The following MKLN1 variants were observed in gnomAD, a reference collection of about 807,000 sequenced individuals.
MKLN1 encodes muskelin.
A neutral mutation model predicts 99.0 loss-of-function variants in MKLN1; 18 were observed. That is an observed-to-expected ratio of 0.18 (90% CI 0.13 to 0.27). MKLN1 has a LOEUF of 0.27. Among genes scored for constraint, MKLN1 ranks in the 10% least tolerant of loss-of-function variants. MKLN1 has a pLI of 1.00. For missense variants in MKLN1, 621 were observed against 875.9 expected (o/e 0.71, Z 3.67); for synonymous variants, 288 against 293.2 (o/e 0.98, Z 0.18).
chr7:131,419,541 C>T (rs1795130454), intron 8 of MKLN1, among the ~76,000 whole-genome samples: 1 of 152,032 alleles, frequency 6.6e-6, no homozygotes, highest in Non-Finnish European at 1.5e-5. Flanking sequence ...CGTGCCTGGC[C>T]TCATTACAGA....
rs1395558840 is a variant in MKLN1 at position 131,290,200 on chromosome 7, G to T, written c.-178-85224G>T. 3.3e-5 allele frequency among the ~76,000 whole-genome samples: 5 copies of T among 152,190 alleles called. No homozygotes were observed. In the East Asian group the frequency reaches 9.6e-4, roughly 29 times the overall value. On this transcript the variant is annotated intron_variant, in intron 3 of 7. Coordinates refer to the MKLN1 transcript ENST00000416992. ...GGTGCCTGTAATCCCAGCTACTTGGGAGGCTGAGGCAGGAGACTCTCTTGA... is the reference window on the plus strand; with the variant it reads ...GGTGCCTGTAATCCCAGCTACTTGGTAGGCTGAGGCAGGAGACTCTCTTGA...
chr7:131,323,610 T>C (rs1798828040), upstream of MKLN1: 1 of 152,210 alleles, frequency 6.6e-6, no homozygotes, highest in Non-Finnish European at 1.5e-5. Context: ...ATCATATATG[T>C]AGTTCCAGCA....
chr7:131,317,765 CAAAAAAAA>C (rs146525048), intron 3 of MKLN1, among the ~76,000 whole-genome samples: 1 of 49,982 alleles, frequency 2.0e-5, no homozygotes, highest in Non-Finnish European at 4.1e-5. Context: ...AAATGGAAAG[CAAAAAAAA>C]AAAAAAAAAA....
At chr7:131,444,697 G>A (rs930612644) in intron 11 of MKLN1, among the ~76,000 whole-genome samples, 16 of 149,946 alleles carry the variant, frequency 1.1e-4, no homozygotes, top group Non-Finnish European at 2.2e-4. Context: ...CTACAGGTGT[G>A]TACCACCACA....
At position 131,416,582 on chromosome 7, in the gene MKLN1, G is replaced by A. The variant is rs1584718802; in HGVS notation, c.847+1872G>A. Among the ~76,000 whole-genome samples, 3 of 150,702 alleles carry A rather than the reference G, an allele frequency of 2.0e-5. No individual in the cohort carries two copies. In the South Asian group the frequency reaches 6.3e-4, roughly 32 times the overall value. On this transcript the variant is annotated intron_variant, in intron 8 of 17. Transcript: ENST00000352689. ...GTCGCCCAGGCTGGAGTGCAGTGGC[G>A]CAAAGGCCTAGATATTTTTCTATAA...
At chr7:131,348,922 C>G (rs995838943) in intron 1 of MKLN1, among the ~76,000 whole-genome samples, 9 of 151,942 alleles carry the variant, frequency 5.9e-5, no homozygotes, top group African/African-American at 2.2e-4. Flanking sequence ...ATTTCTCTAG[C>G]CTTTTATTTT....
intron 12 of MKLN1, among the ~76,000 whole-genome samples, chr7:131,458,285 G>A (rs1343772212): frequency 6.6e-6 from 1 of 152,152 alleles, no homozygotes; most frequent in Non-Finnish European, 1.5e-5. Flanking sequence ...ATATTCTCAG[G>A]CATATTTGCC....
At chr7:131,298,210 G>T (rs746909950) in intron 3 of MKLN1, among the ~76,000 whole-genome samples, 23 of 152,046 alleles carry the variant, frequency 1.5e-4, no homozygotes, top group Non-Finnish European at 3.1e-4. Flanking sequence ...GGTGGAGCTT[G>T]CAGTGAGCCG....
At chr7:131,125,217 C>A (rs943538574) in intron 1 of MKLN1, among the ~76,000 whole-genome samples, 1 of 152,224 alleles carries the variant, frequency 6.6e-6, no homozygotes, top group Non-Finnish European at 1.5e-5. Flanking sequence ...CTGACAGTCT[C>A]ATTCTGCTGA....
At chr7:131,159,226 A>C (rs936208744) in intron 2 of MKLN1, among the ~76,000 whole-genome samples, 2 of 152,158 alleles carry the variant, frequency 1.3e-5, no homozygotes, top group African/African-American at 4.8e-5. Flanking sequence ...GACTAATGCT[A>C]TGGACAGAAA....
intron 1 of MKLN1, among the ~76,000 whole-genome samples, chr7:131,361,978 A>G (rs1768023164): frequency 6.6e-6 from 1 of 151,972 alleles, no homozygotes; most frequent in African/African-American, 2.4e-5. Flanking sequence ...TAGTTTATTC[A>G]TTAGTAGTTT....
At chr7:131,145,527 A>G (rs371734448) in intron 2 of MKLN1, among the ~76,000 whole-genome samples, 1 of 152,372 alleles carries the variant, frequency 6.6e-6, no homozygotes, top group East Asian at 1.9e-4. Context: ...AGACATTCAG[A>G]GACATTGATC....
upstream of MKLN1, among the ~76,000 whole-genome samples, chr7:131,325,686 G>A (rs1338279041): frequency 2.2e-5 from 3 of 139,460 alleles, no homozygotes; most frequent in Admixed American, 7.8e-5. Context: ...GACAGAGTCA[G>A]AGTGAGATTC....
intron 2 of MKLN1, among the ~76,000 whole-genome samples, chr7:131,193,383 T>A (rs1645109047): frequency 6.6e-6 from 1 of 152,186 alleles, no homozygotes; most frequent in South Asian, 2.1e-4. Flanking sequence ...TATTATTTTT[T>A]GAGACGGAGT....
Position 131,437,787 on chromosome 7 carries a change from T to C in MKLN1, c.963T>C (p.Asn321=), listed in dbSNP as rs975017444. 6.2e-7 allele frequency: 1 copy of C among 1,607,740 alleles called. No homozygotes were observed. Among genetic ancestry groups the C allele is most frequent in the Non-Finnish European group, 8.5e-7 (1 of 1,174,342 alleles). ...TTATTTTCTCTCTCTCTCTACAGAA[T>C]GGTCCTAGTGCCAGATCGTGTCATA... ...TCISRDTEKE[N]GPSARSCHKM... is the part of the protein sequence containing the mutation. The change falls in exon 10 of 18, where the codon AAT becomes AAC. Residue 321 remains asparagine (N), a splice_region_variant and synonymous_variant. Coordinates refer to ENST00000352689, the MANE Select transcript of MKLN1 (RefSeq NM_013255.5).
chr7:131,117,678 T>C (rs192457120), intron 1 of MKLN1, among the ~76,000 whole-genome samples: 14 of 152,252 alleles, frequency 9.2e-5, no homozygotes, highest in East Asian at 3.9e-4. Context: ...TGTGGGGAGA[T>C]AAAATAGAGC....
At chr7:131,430,715 G>A (rs77926603) in intron 9 of MKLN1, among the ~76,000 whole-genome samples, 4,815 of 151,976 alleles carry the variant, frequency 0.032, 239 homozygotes, top group African/African-American at 0.11. Context: ...GGTTTCTTAC[G>A]CTTTTTATAT....
chr7:131,229,161 CTT>C (rs35413730), intron 3 of MKLN1, among the ~76,000 whole-genome samples: 73,285 of 147,946 alleles, frequency 0.5, 18,199 homozygotes, highest in East Asian at 0.55. Context: ...TTTAGGGATT[CTT>C]TTTTTTTTTT....
At chr7:131,173,299 A>C (rs1584807810) in intron 2 of MKLN1, among the ~76,000 whole-genome samples, 1 of 152,332 alleles carries the variant, frequency 6.6e-6, no homozygotes, top group South Asian at 2.1e-4. Context: ...TTGAACCTTG[A>C]GTCAGTCATG....
Sources: allele counts gnomAD v4.1 joint callset (sites outside exome capture counted in the v4.1 genomes callset), GRCh38; gene constraint gnomAD v4.1.1; transcripts MANE v1.5; gene names NCBI Gene and HGNC (gene_info 2026-07-23, HGNC 2026-07-21).